The following HSD17B12 variants were observed in gnomAD, a reference collection of about 807,000 sequenced individuals.
HSD17B12 encodes the protein hydroxysteroid 17-beta dehydrogenase 12.
Under a neutral mutation model 39.3 loss-of-function variants are expected in HSD17B12, and 32 were observed. The ratio of observed to expected loss-of-function variants is 0.81; its 90% CI spans 0.61 to 1.09. The LOEUF (loss-of-function observed/expected upper bound fraction) is 1.09, where lower values mean the gene tolerates loss of function less well. Among genes scored for constraint, HSD17B12 ranks in the 50% least tolerant of loss-of-function variants. The pLI, the probability that HSD17B12 is intolerant of heterozygous loss-of-function variation, is 0.00. For synonymous variants in HSD17B12, 150 were observed against 146.7 expected (o/e 1.02, Z -0.16); for missense variants, 342 against 382.9 (o/e 0.89, Z 0.89).
chr11:43,687,261 G>A (rs1949809905), intron 1 of HSD17B12, among the ~76,000 whole-genome samples: 1 of 152,176 alleles, frequency 6.6e-6, no homozygotes. Context: ...AGGGAGGCAG[G>A]GTGAGCAAAG....
At chr11:43,561,252 T>G in the HSD17B12 span, among the ~76,000 whole-genome samples, 9 of 152,244 alleles carry the variant, frequency 5.9e-5, no homozygotes, top group African/African-American at 2.2e-4. Flanking sequence ...TTAGTGCTGC[T>G]TCTTGTTTGT....
At chr11:43,783,196 A>G (rs1019580118) in intron 3 of HSD17B12, among the ~76,000 whole-genome samples, 2 of 152,206 alleles carry the variant, frequency 1.3e-5, no homozygotes, top group Non-Finnish European at 2.9e-5. Context: ...TTGTTGGGAC[A>G]ACTAGTAAAA....
At chr11:43,734,208 A>C (rs1590703832) in intron 1 of HSD17B12, 1 of 1,570,110 alleles carries the variant, frequency 6.4e-7, no homozygotes, top group Non-Finnish European at 8.7e-7. Context: ...GTGAGCGACG[A>C]CCTTACGGAG....
chr11:43,593,474 A>T, the HSD17B12 span, among the ~76,000 whole-genome samples: 2 of 152,188 alleles, frequency 1.3e-5, no homozygotes, highest in Admixed American at 6.5e-5. Context: ...GACAATGCTA[A>T]ATCAAAATAT....
chr11:43,775,029 AAGTGG>A (rs963217893), intron 3 of HSD17B12, among the ~76,000 whole-genome samples: 26 of 152,224 alleles, frequency 1.7e-4, no homozygotes, highest in Admixed American at 6.5e-5. Flanking sequence ...AAGAGGGCCC[AAGTGG>A]AGACTTGAAG....
At chr11:43,619,615 C>T in the HSD17B12 span, among the ~76,000 whole-genome samples, 5 of 151,984 alleles carry the variant, frequency 3.3e-5, no homozygotes, top group Non-Finnish European at 5.9e-5. Flanking sequence ...TGGTCTCAAA[C>T]TCCTGATTTT....
the HSD17B12 span, among the ~76,000 whole-genome samples, chr11:43,659,200 G>C: frequency 6.6e-6 from 1 of 152,252 alleles, no homozygotes; most frequent in Non-Finnish European, 1.5e-5. Flanking sequence ...GCCATGTGCG[G>C]GATATAATCT....
intron 3 of HSD17B12, among the ~76,000 whole-genome samples, chr11:43,786,330 T>A (rs1950815561): frequency 6.6e-6 from 1 of 152,228 alleles, no homozygotes; most frequent in South Asian, 2.1e-4. Context: ...TTAACAAAAT[T>A]AATGATTTTC....
At chr11:43,580,732 A>C in the HSD17B12 span, among the ~76,000 whole-genome samples, 1 of 151,988 alleles carries the variant, frequency 6.6e-6, no homozygotes, top group South Asian at 2.1e-4. Flanking sequence ...TTTTTTTGGC[A>C]ACAACAATAT....
intron 1 of HSD17B12, among the ~76,000 whole-genome samples, chr11:43,716,480 TCTC>T (rs1950124205): frequency 6.6e-6 from 1 of 152,038 alleles, no homozygotes; most frequent in African/African-American, 2.4e-5. Flanking sequence ...GATTTCATCT[TCTC>T]CTTGGAATAT....
At chr11:43,600,080 A>G in the HSD17B12 span, among the ~76,000 whole-genome samples, 3 of 149,430 alleles carry the variant, frequency 2.0e-5, no homozygotes, top group African/African-American at 7.4e-5. Context: ...TCCCACCTCC[A>G]TTTCCCTCAT....
intron 1 of HSD17B12, among the ~76,000 whole-genome samples, chr11:43,722,475 G>A (rs1418974474): frequency 6.6e-6 from 1 of 152,204 alleles, no homozygotes; most frequent in African/African-American, 2.4e-5. Flanking sequence ...ACATTGGGAG[G>A]CTGAAGCGGA....
intron 3 of HSD17B12, among the ~76,000 whole-genome samples, chr11:43,783,525 T>A (rs970158181): frequency 6.6e-6 from 1 of 151,820 alleles, no homozygotes; most frequent in Non-Finnish European, 1.5e-5. Flanking sequence ...CAACTCGTAA[T>A]CTACATTAGG....
At chr11:43,656,171 A>G in the HSD17B12 span, among the ~76,000 whole-genome samples, 640 of 152,244 alleles carry the variant, frequency 4.2e-3, 4 homozygotes, top group East Asian at 0.03. Flanking sequence ...CATTTCTTCT[A>G]GATTTTCTAG....
the HSD17B12 span, among the ~76,000 whole-genome samples, chr11:43,616,426 A>AAAAAAAC: frequency 1.5e-5 from 2 of 131,386 alleles, no homozygotes; most frequent in Non-Finnish European, 3.2e-5. Flanking sequence ...AACAAAAAAC[A>AAAAAAAC]AAAAAAAAAC....
At chr11:43,795,900 A>G (rs1420042136) in intron 3 of HSD17B12, among the ~76,000 whole-genome samples, 1 of 152,142 alleles carries the variant, frequency 6.6e-6, no homozygotes, top group Non-Finnish European at 1.5e-5. Flanking sequence ...AGGGAAGGGC[A>G]TGAGGAGTGC....
At chr11:43,843,426 A>G (rs1168091726) in intron 9 of HSD17B12, among the ~76,000 whole-genome samples, 1 of 152,226 alleles carries the variant, frequency 6.6e-6, no homozygotes, top group East Asian at 1.9e-4. Context: ...ATTAAAATAC[A>G]AATCAGATAA....
chr11:43,615,297 C>T, the HSD17B12 span, among the ~76,000 whole-genome samples: 2 of 152,194 alleles, frequency 1.3e-5, no homozygotes, highest in Non-Finnish European at 2.9e-5. Context: ...GTCAGAACTC[C>T]AATGTCTTCC....
chr11:43,587,575 T>A, the HSD17B12 span, among the ~76,000 whole-genome samples: 2 of 152,236 alleles, frequency 1.3e-5, no homozygotes, highest in Non-Finnish European at 2.9e-5. Context: ...TAGTTAATAC[T>A]GCAAGTGGCT....
Sources: allele counts gnomAD v4.1 joint callset (sites outside exome capture counted in the v4.1 genomes callset), GRCh38; gene constraint gnomAD v4.1.1; transcripts MANE v1.5; gene names NCBI Gene and HGNC (gene_info 2026-07-23, HGNC 2026-07-21).